The following RERE variants were observed in gnomAD, a reference collection of about 807,000 sequenced individuals.
RERE encodes arginine-glutamic acid dipeptide repeats protein.
Under a neutral mutation model 146.1 loss-of-function variants are expected in RERE, and 40 were observed. The observed-to-expected ratio is 0.27, with a 90% CI of 0.21 to 0.36. The LOEUF is 0.36. Ranked by LOEUF, RERE falls within the 10% of genes least tolerant of loss-of-function variation. The pLI is 1.00. For missense variants in RERE, 1,933 were observed against 2,138.7 expected, an observed-to-expected ratio of 0.90 and a Z score of 1.90; for synonymous variants, 1,003 against 866.0, an observed-to-expected ratio of 1.16 and a Z score of -2.78.
Position 8,745,472 on chromosome 1 carries a change from T to C in RERE, c.-145+71688A>G, listed in dbSNP as rs1398719287. 2.6e-5 allele frequency among the ~76,000 whole-genome samples: 4 copies of C among 152,222 alleles called. No individual in the cohort carries two copies. The South Asian group carries it at 8.3e-4, about 32-fold the overall frequency. ...CTTGGCATGTCCAGCTATTATAATT[T>C]CATTTCTATCTCCCAAATGTTTTCC... On this transcript the variant is annotated intron_variant, in intron 1 of 22. Coordinates refer to ENST00000400908, the MANE Select transcript of RERE (RefSeq NM_001042681.2).
intron 7 of RERE, chr1:8,525,807 T>G (rs764217387): frequency 6.3e-7 from 1 of 1,581,064 alleles, no homozygotes; most frequent in Admixed American, 1.9e-5. Flanking sequence ...CTCTGGTGAG[T>G]CTAGCTGGAT....
At chr1:8,779,754 C>T (rs1317011372) in intron 1 of RERE, among the ~76,000 whole-genome samples, 1 of 151,930 alleles carries the variant, frequency 6.6e-6, no homozygotes, top group African/African-American at 2.4e-5. Context: ...CAATGACAAT[C>T]ACTTATTTAC....
chr1:8,652,575 T>A (rs1270726127), intron 2 of RERE, among the ~76,000 whole-genome samples: 1 of 152,130 alleles, frequency 6.6e-6, no homozygotes, highest in Non-Finnish European at 1.5e-5. Flanking sequence ...GGGGAGGCCT[T>A]AGGAAGCTTA....
intron 1 of RERE, among the ~76,000 whole-genome samples, chr1:8,782,663 T>C (rs1389233528): frequency 6.6e-6 from 1 of 152,156 alleles, no homozygotes; most frequent in Non-Finnish European, 1.5e-5. Context: ...CCCAGCACTT[T>C]GGGAGGCCGA....
chr1:8,678,488 CA>C (rs34040687), intron 1 of RERE, among the ~76,000 whole-genome samples: 159 of 137,108 alleles, frequency 1.2e-3, no homozygotes, highest in East Asian at 1.9e-3. Flanking sequence ...ACTAAAAATA[CA>C]AAAAAAAAAA....
chr1:8,589,494 A>G (rs1030626075), intron 4 of RERE, among the ~76,000 whole-genome samples: 1 of 152,190 alleles, frequency 6.6e-6, no homozygotes, highest in Non-Finnish European at 1.5e-5. Context: ...CCAAATAATC[A>G]GCTTGCTAAA....
intron 6 of RERE, among the ~76,000 whole-genome samples, chr1:8,548,438 AAAC>A (rs1368741147): frequency 2.0e-5 from 3 of 152,236 alleles, no homozygotes; most frequent in Non-Finnish European, 2.9e-5. Context: ...TATTACAAAT[AAAC>A]AAATGCACAT....
chr1:8,389,298 T>C (rs1642797372), intron 12 of RERE, among the ~76,000 whole-genome samples: 1 of 152,208 alleles, frequency 6.6e-6, no homozygotes, highest in Admixed American at 6.5e-5. Context: ...CCCACTCTCA[T>C]GTCTGTGTAA....
intron 1 of RERE, among the ~76,000 whole-genome samples, chr1:8,680,323 G>C (rs1318299675): frequency 1.3e-5 from 2 of 152,192 alleles, no homozygotes; most frequent in Non-Finnish European, 2.9e-5. Context: ...ATCTCTGAGG[G>C]GAAAGGTCAG....
At chr1:8,400,471 T>C (rs990888692) in intron 12 of RERE, among the ~76,000 whole-genome samples, 6 of 152,082 alleles carry the variant, frequency 3.9e-5, no homozygotes, top group African/African-American at 1.4e-4. Context: ...AGGTTGGTCT[T>C]GAAATTTTGG....
chr1:8,688,418 T>C (rs1289267871), intron 1 of RERE, among the ~76,000 whole-genome samples: 1 of 151,976 alleles, frequency 6.6e-6, no homozygotes, highest in African/African-American at 2.4e-5. Flanking sequence ...AAAAATCAGC[T>C]GGGCGCAGCA....
chr1:8,389,617 G>A (rs1000811772), intron 12 of RERE, among the ~76,000 whole-genome samples: 4 of 152,190 alleles, frequency 2.6e-5, no homozygotes, highest in Non-Finnish European at 5.9e-5. Context: ...CCATGAGGAA[G>A]GGGTGGAATT....
intron 9 of RERE, among the ~76,000 whole-genome samples, chr1:8,496,922 C>T (rs757423164): frequency 5.3e-5 from 8 of 152,180 alleles, no homozygotes; most frequent in Non-Finnish European, 1.2e-4. Flanking sequence ...AAGTGCAGAA[C>T]GTGTCGGTTT....
At chr1:8,795,130 T>C (rs1284486) in intron 1 of RERE, among the ~76,000 whole-genome samples, 149,472 of 152,198 alleles carry the variant, frequency 0.98, 73,411 homozygotes, top group Middle Eastern at 1. Context: ...CGGGTTTAGG[T>C]GATTCTTGTC....
chr1:8,663,511 C>G (rs534928824), intron 1 of RERE, among the ~76,000 whole-genome samples: 38 of 152,302 alleles, frequency 2.5e-4, no homozygotes, highest in Admixed American at 2.2e-3. Flanking sequence ...CCATCATCAT[C>G]CCTCATGCAG....
intron 11 of RERE, among the ~76,000 whole-genome samples, chr1:8,439,838 C>T (rs557886223): frequency 8.5e-5 from 13 of 152,104 alleles, no homozygotes; most frequent in Non-Finnish European, 1.3e-4. Context: ...TTTGGGAGGC[C>T]GAGGTGGGTG....
chr1:8,749,226 T>C (rs1040061772), intron 1 of RERE, among the ~76,000 whole-genome samples: 1 of 152,182 alleles, frequency 6.6e-6, no homozygotes, highest in African/African-American at 2.4e-5. Flanking sequence ...TTCACTATAA[T>C]GGTAGACTCC....
chr1:8,708,380 AGCTCACCGCAACCTCT>A (rs1225133720), intron 1 of RERE, among the ~76,000 whole-genome samples: 2 of 151,956 alleles, frequency 1.3e-5, no homozygotes, highest in Non-Finnish European at 2.9e-5. Context: ...GCATGATCTC[AGCTCACCGCAACCTCT>A]GCTCACCACA....
chr1:8,453,170 T>C (rs1360665920), intron 11 of RERE, among the ~76,000 whole-genome samples: 1 of 152,234 alleles, frequency 6.6e-6, no homozygotes, highest in Admixed American at 6.5e-5. Flanking sequence ...TCTGGGGTCA[T>C]AAACTTGGAA....
Sources: allele counts gnomAD v4.1 joint callset (sites outside exome capture counted in the v4.1 genomes callset), GRCh38; gene constraint gnomAD v4.1.1; transcripts MANE v1.5; gene names NCBI Gene and HGNC (gene_info 2026-07-23, HGNC 2026-07-21).